ZNF324B: variants seen among roughly 807,000 people sequenced by gnomAD.
The protein encoded by ZNF324B is zinc finger protein 324B.
In ZNF324B, 7 loss-of-function variants were observed where a neutral mutation model predicts 10.6. The observed-to-expected ratio is 0.66, with a 90% CI of 0.38 to 1.24. ZNF324B has a LOEUF of 1.24. ZNF324B is among the 50% of genes most tolerant of loss of function. The pLI is 0.02. For synonymous variants in ZNF324B, 316 were observed against 321.0 expected, an observed-to-expected ratio of 0.98 and a Z score of 0.17; for missense variants, 640 against 764.7, an observed-to-expected ratio of 0.84 and a Z score of 1.92.
At chr19:58,448,215 GA>G (rs1007761936), upstream of ZNF324B, among the ~76,000 whole-genome samples, 2 of 152,206 alleles carry the variant, frequency 1.3e-5, no homozygotes, top group African/African-American at 4.8e-5. Context: ...GAAAATGTGG[GA>G]ATGTTTGGAA....
chr19:58,448,275 A>G (rs2052836495), upstream of ZNF324B, among the ~76,000 whole-genome samples: 1 of 152,210 alleles, frequency 6.6e-6, no homozygotes, highest in Non-Finnish European at 1.5e-5. Flanking sequence ...TGATAATGAT[A>G]TGGGCAATGA....
At chr19:58,426,350 G>C in the ZNF324B span, among the ~76,000 whole-genome samples, 1 of 152,202 alleles carries the variant, frequency 6.6e-6, no homozygotes, top group Non-Finnish European at 1.5e-5. Context: ...AGAATGTAGT[G>C]ATTCCCACTG....
At chr19:58,434,176 C>T in the ZNF324B span, 3 of 1,614,106 alleles carry the variant, frequency 1.9e-6, no homozygotes, top group Non-Finnish European at 8.5e-7. Context: ...AGTGTGAACT[C>T]TCCAGTGCTG....
At chr19:58,433,898 CAT>C in the ZNF324B span, 1 of 1,614,066 alleles carries the variant, frequency 6.2e-7, no homozygotes, top group African/African-American at 1.3e-5. Context: ...TCGCTGCACT[CAT>C]AAGGCCTTTG....
the ZNF324B span, among the ~76,000 whole-genome samples, chr19:58,421,028 C>T: frequency 8.8e-3 from 1,319 of 149,778 alleles, 27 homozygotes; most frequent in South Asian, 0.034. Flanking sequence ...TAAAGACATA[C>T]GAGATGCTAA....
At chr19:58,437,237 G>T in the ZNF324B span, 1 of 1,567,930 alleles carries the variant, frequency 6.4e-7, no homozygotes, top group African/African-American at 1.4e-5. Flanking sequence ...ACAAACAATT[G>T]GTCAAATGGA....
upstream of ZNF324B, among the ~76,000 whole-genome samples, chr19:58,449,683 G>A (rs749757321): frequency 3.3e-5 from 5 of 152,192 alleles, no homozygotes; most frequent in African/African-American, 1.2e-4. Context: ...TCAGACTTTC[G>A]TGGGGCCTTT....
chr19:58,435,328 G>C, the ZNF324B span: 6 of 1,120,954 alleles, frequency 5.4e-6, no homozygotes, highest in East Asian at 7.5e-5. Context: ...ATTGCTGACA[G>C]GCCAACAGGG....
chr19:58,451,855 C>T (rs1259631214), intron 1 of ZNF324B, 151 bp downstream of exon 1: 2 of 261,356 alleles, frequency 7.7e-6, no homozygotes, highest in African/African-American at 4.8e-5. Flanking sequence ...ATTCTGCGCC[C>T]ATGACTGCCG....
At position 58,456,113 on chromosome 19, in the gene ZNF324B, C is replaced by T. The variant is rs749862331; in HGVS notation, c.1169C>T (p.Thr390Met). The change falls in exon 4 of 4, where the codon ACG becomes ATG. Residue 390 changes from threonine (T) to methionine (M), a missense_variant. Physicochemically the swap from Thr to Met is moderately conservative, Grantham distance 81 (BLOSUM62 -1). Around this residue, in one of 3 missense-constraint regions of ZNF324B, gnomAD observed 238 missense variants for 258.0 expected, o/e 0.92. Transcript: ENST00000336614. This position sits in a 1 kb window ranked among gnomAD's most constrained non-coding sequence, Gnocchi z 4.7. ...TCGCACCTGATCCAGCACGAGCGTACGCACACAGGCGAGAAGCCCTTCGTA... is the reference window on the plus strand; with the variant it reads ...TCGCACCTGATCCAGCACGAGCGTATGCACACAGGCGAGAAGCCCTTCGTA... ...RNSHLIQHER[T>M]HTGEKPFVCA... The T allele has an allele frequency of 1.2e-6, 2 of 1,613,234 alleles. No homozygotes were observed. Among genetic ancestry groups the T allele is most frequent in the Non-Finnish European group, 8.5e-7 (1 of 1,179,934 alleles).
chr19:58,434,658 T>C, the ZNF324B span: 38 of 1,614,226 alleles, frequency 2.4e-5, no homozygotes, highest in South Asian at 4.0e-4. Context: ...ATGTAAATGG[T>C]ATCTCTTCAG....
At chr19:58,449,052 G>A (rs76293068), upstream of ZNF324B, among the ~76,000 whole-genome samples, 1,134 of 152,278 alleles carry the variant, frequency 7.4e-3, 22 homozygotes, top group African/African-American at 0.026. Context: ...AAATGGTTTC[G>A]TGGGCTCCCC....
chr19:58,456,518 A>C lies in ZNF324B; in HGVS notation c.1574A>C (p.His525Pro). 6.2e-7 allele frequency: 1 copy of C among 1,614,214 alleles called. No individual in the cohort carries two copies. The highest frequency in any genetic ancestry group is 8.5e-7 in the Non-Finnish European group (1 of 1,180,030). Residue 525 changes from histidine (H) to proline (P), a missense_variant, in exon 4 of 4, where the codon CAT becomes CCT. Physicochemically the swap from His to Pro is moderately conservative, Grantham distance 77 (BLOSUM62 -2). Around this residue, in one of 3 missense-constraint regions of ZNF324B, gnomAD observed 238 missense variants for 258.0 expected, o/e 0.92. Coordinates refer to ENST00000336614, the MANE Select transcript of ZNF324B (RefSeq NM_207395.3). This position sits in a 1 kb window ranked among gnomAD's most constrained non-coding sequence, Gnocchi z 4.7. ...CCGGGGCCAGGTTTCCTTCAGGGAC[A>C]TCATCGGAAGGTGCGCCGGGGAGGG... Reference protein sequence around the residue: ...CTPGPGFLQGHHRKVRRGGKP... With the variant: ...CTPGPGFLQGPHRKVRRGGKP...
chr19:58,433,653 C>G, the ZNF324B span: 18 of 1,614,012 alleles, frequency 1.1e-5, no homozygotes, highest in Non-Finnish European at 1.4e-5. Context: ...ATTTATAAGG[C>G]TTTTCTCCAG....
the ZNF324B span, chr19:58,436,271 A>G: frequency 6.5e-6 from 1 of 154,264 alleles, no homozygotes; most frequent in East Asian, 1.9e-4. Flanking sequence ...AAATTACATT[A>G]TAGCAATGAT....
chr19:58,449,300 T>C (rs1848629709), upstream of ZNF324B, among the ~76,000 whole-genome samples: 1 of 152,246 alleles, frequency 6.6e-6, no homozygotes. Context: ...GGCAAAAGTT[T>C]GCTGCAGGGG....
At chr19:58,437,768 A>G in the ZNF324B span, 1 of 985,416 alleles carries the variant, frequency 1.0e-6, no homozygotes, top group South Asian at 4.7e-5. Context: ...CAAGCCAGCT[A>G]CAGAGCTCCA....
At chr19:58,423,480 A>G in the ZNF324B span, among the ~76,000 whole-genome samples, 2 of 152,202 alleles carry the variant, frequency 1.3e-5, no homozygotes, top group Admixed American at 6.5e-5. Flanking sequence ...TATTGTTAAA[A>G]TGACCATACT....
At chr19:58,433,479 A>G in the ZNF324B span, 7 of 1,614,136 alleles carry the variant, frequency 4.3e-6, no homozygotes, top group South Asian at 6.6e-5. Flanking sequence ...GGATGCACTC[A>G]TAGGGCCTTT....
Sources: gnomAD v4.1 joint callset for allele counts (sites outside exome capture counted in the v4.1 genomes callset) on GRCh38, gnomAD v4.1.1 for gene constraint, gnomAD v4.1.1 regional missense constraint, Gnocchi (gnomAD v3.1) non-coding constraint, MANE v1.5 for transcripts, NCBI Gene and HGNC (gene_info 2026-07-23, HGNC 2026-07-21) for gene names.